SLC39A11: variants seen among roughly 807,000 people sequenced by gnomAD.
SLC39A11 encodes zinc transporter ZIP11.
Under a neutral mutation model 36.1 loss-of-function variants are expected in SLC39A11, and 33 were observed. The ratio of observed to expected loss-of-function variants is 0.91; its 90% CI spans 0.69 to 1.22. The LOEUF (loss-of-function observed/expected upper bound fraction) is 1.22. SLC39A11 is among the 50% of genes most tolerant of loss of function. SLC39A11 has a pLI of 0.00. For missense variants in SLC39A11, 432 were observed against 430.3 expected (o/e 1.00, Z -0.03); for synonymous variants, 166 against 170.3 (o/e 0.97, Z 0.20).
chr17:72,736,227 CA>C (rs1232089688), intron 7 of SLC39A11, among the ~76,000 whole-genome samples: 1 of 152,094 alleles, frequency 6.6e-6, no homozygotes, highest in East Asian at 1.9e-4. Context: ...ACAAGCCCAC[CA>C]CCAAAGGGCC....
chr17:72,849,345 A>G (rs780115134), intron 6 of SLC39A11, among the ~76,000 whole-genome samples: 33 of 152,254 alleles, frequency 2.2e-4, no homozygotes, highest in Non-Finnish European at 3.5e-4. Context: ...CTCCACAGCA[A>G]TCATGTAACA....
At chr17:73,064,722 G>C (rs2059948038) in intron 3 of SLC39A11, among the ~76,000 whole-genome samples, 1 of 152,280 alleles carries the variant, frequency 6.6e-6, no homozygotes, top group African/African-American at 2.4e-5. Flanking sequence ...ACCAGGGAAG[G>C]GAAGTGGAAT....
At chr17:72,740,317 A>T (rs907653315) in intron 6 of SLC39A11, among the ~76,000 whole-genome samples, 28 of 151,974 alleles carry the variant, frequency 1.8e-4, no homozygotes, top group African/African-American at 6.5e-4. Flanking sequence ...TGCCCACCTC[A>T]GCCTCCCAAA....
chr17:72,904,601 C>T (rs1313105212), intron 5 of SLC39A11, among the ~76,000 whole-genome samples: 1 of 152,226 alleles, frequency 6.6e-6, no homozygotes, highest in East Asian at 1.9e-4. Flanking sequence ...CACCCCAGGC[C>T]TTTGCCACTG....
chr17:72,843,279 G>A (rs1013778810), intron 6 of SLC39A11, among the ~76,000 whole-genome samples: 1 of 152,108 alleles, frequency 6.6e-6, no homozygotes, highest in South Asian at 2.1e-4. Flanking sequence ...TTCTAGGGTT[G>A]TGGATAGACT....
intron 5 of SLC39A11, among the ~76,000 whole-genome samples, chr17:72,864,119 G>A (rs2080183120): frequency 1.3e-5 from 2 of 152,182 alleles, no homozygotes; most frequent in South Asian, 4.1e-4. Flanking sequence ...TCTTAAGACT[G>A]CATTGGCTTT....
At chr17:72,840,273 T>C (rs186909048) in intron 6 of SLC39A11, among the ~76,000 whole-genome samples, 78 of 152,318 alleles carry the variant, frequency 5.1e-4, no homozygotes, top group Non-Finnish European at 9.0e-4. Context: ...CTCTATGTCA[T>C]AGCAACAACC....
intron 5 of SLC39A11, among the ~76,000 whole-genome samples, chr17:72,859,208 G>A (rs990331358): frequency 2.6e-5 from 4 of 152,176 alleles, no homozygotes; most frequent in Non-Finnish European, 5.9e-5. Context: ...AAACAACACA[G>A]GAGTTTTGTA....
chr17:73,020,864 G>A (rs576941289), intron 4 of SLC39A11, among the ~76,000 whole-genome samples: 2 of 151,864 alleles, frequency 1.3e-5, no homozygotes, highest in African/African-American at 4.8e-5. Flanking sequence ...TGTACTTTTA[G>A]TAGAGACAGG....
intron 7 of SLC39A11, among the ~76,000 whole-genome samples, chr17:72,669,822 C>T (rs2070914989): frequency 6.6e-6 from 1 of 151,716 alleles, no homozygotes; most frequent in Admixed American, 6.6e-5. Flanking sequence ...AGGGAGACCC[C>T]CATCTCTACA....
chr17:72,820,000 T>C (rs1268541576), intron 6 of SLC39A11, among the ~76,000 whole-genome samples: 2 of 151,044 alleles, frequency 1.3e-5, no homozygotes, highest in Admixed American at 1.3e-4. Flanking sequence ...GGGACAGGAC[T>C]CTAGGGAAGG....
chr17:72,902,891 G>A (rs548388711), intron 5 of SLC39A11, among the ~76,000 whole-genome samples: 2 of 152,148 alleles, frequency 1.3e-5, no homozygotes, highest in Non-Finnish European at 2.9e-5. Flanking sequence ...TGCAAATAAG[G>A]GAAACTCAGA....
intron 3 of SLC39A11, among the ~76,000 whole-genome samples, chr17:73,043,810 T>C (rs572384611): frequency 2.0e-4 from 31 of 152,218 alleles, no homozygotes; most frequent in Admixed American, 3.9e-4. Flanking sequence ...AAACCCATGA[T>C]GAGCGGCCAC....
chr17:72,774,729 A>G (rs186966254), intron 6 of SLC39A11, among the ~76,000 whole-genome samples: 18 of 152,282 alleles, frequency 1.2e-4, no homozygotes, highest in African/African-American at 3.9e-4. Context: ...AAAAATTAAA[A>G]AACTTATTTG....
At chr17:72,796,802 G>C (rs886501138) in intron 6 of SLC39A11, among the ~76,000 whole-genome samples, 7 of 152,142 alleles carry the variant, frequency 4.6e-5, no homozygotes, top group Non-Finnish European at 1.0e-4. Flanking sequence ...CCACCACGCA[G>C]GGGTTTCACT....
At chr17:72,865,247 C>T (rs547908348) in intron 5 of SLC39A11, among the ~76,000 whole-genome samples, 10 of 152,010 alleles carry the variant, frequency 6.6e-5, no homozygotes, top group Admixed American at 3.9e-4. Context: ...AGGGGAGGCC[C>T]TGGAACACAC....
chr17:72,786,478 T>C (rs2076518436), intron 6 of SLC39A11, among the ~76,000 whole-genome samples: 1 of 152,134 alleles, frequency 6.6e-6, no homozygotes. Flanking sequence ...TCCATCAAGA[T>C]AGGAAAGTAG....
At chr17:72,834,553 C>T (rs1338520841) in intron 6 of SLC39A11, among the ~76,000 whole-genome samples, 1 of 151,960 alleles carries the variant, frequency 6.6e-6, no homozygotes, top group Non-Finnish European at 1.5e-5. Flanking sequence ...ACCTGGGAGG[C>T]GGAGGTTGCA....
intron 3 of SLC39A11, among the ~76,000 whole-genome samples, chr17:73,056,173 G>GTTT (rs765845918): frequency 7.6e-5 from 11 of 145,160 alleles, no homozygotes; most frequent in Non-Finnish European, 1.2e-4. Context: ...TTTTTTGTTT[G>GTTT]TTTGTTTTTT....
Sources: gnomAD v4.1 joint callset for allele counts (sites outside exome capture counted in the v4.1 genomes callset) on GRCh38, gnomAD v4.1.1 for gene constraint, MANE v1.5 for transcripts, NCBI Gene and HGNC (gene_info 2026-07-23, HGNC 2026-07-21) for gene names.